LRP1B: variants seen among roughly 807,000 people sequenced by gnomAD.
The protein encoded by LRP1B is LDL receptor related protein 1B.
Under a neutral mutation model 556.6 loss-of-function variants are expected in LRP1B, and 217 were observed. The ratio of observed to expected loss-of-function variants is 0.39; its 90% CI spans 0.35 to 0.44. LRP1B has a LOEUF of 0.44. Among genes scored for constraint, LRP1B ranks in the 20% least tolerant of loss-of-function variants. The probability of loss-of-function intolerance (pLI) is 1.00; values close to 1 mark genes in which losing one functional copy is unlikely to be tolerated. For synonymous variants in LRP1B, 2,047 were observed against 1,865.8 expected, an observed-to-expected ratio of 1.10 and a Z score of -2.50; for missense variants, 5,053 against 5,620.8, an observed-to-expected ratio of 0.90 and a Z score of 3.23.
rs78272229 is a variant in LRP1B at position 140,328,453 on chromosome 2, T to C, written c.12224-2575A>G. ...AGATCTACTAGTTCCCCAATTTCCA[T>C]TGTAGGCTGGAAGAAAATGAAAGAA... On this transcript the variant is annotated intron_variant, in intron 79 of 90. Transcript: ENST00000389484. Among the ~76,000 whole-genome samples, 163 of 149,942 alleles carry C rather than the reference T, an allele frequency of 1.1e-3. 1 individual carries two copies. Among genetic ancestry groups the C allele is most frequent in the East Asian group, 6.2e-3 (32 of 5,128 alleles).
intron 5 of LRP1B, among the ~76,000 whole-genome samples, chr2:141,235,412 G>T (rs375891399): frequency 6.6e-6 from 1 of 152,080 alleles, no homozygotes; most frequent in Non-Finnish European, 1.5e-5. Context: ...TTTCATAAAA[G>T]ACGTATCATC....
At chr2:141,824,956 A>G (rs1696874130) in intron 1 of LRP1B, among the ~76,000 whole-genome samples, 1 of 152,118 alleles carries the variant, frequency 6.6e-6, no homozygotes, top group African/African-American at 2.4e-5. Flanking sequence ...TTCTCACAAG[A>G]TCCGATGGTT....
rs375593161 is a variant in LRP1B at position 141,049,585 on chromosome 2, C to T, written c.1553-363G>A. Among the ~76,000 whole-genome samples, 27 of 151,996 alleles carry T rather than the reference C, an allele frequency of 1.8e-4. No homozygotes were observed. The East Asian group carries it at 1.9e-3, about 11-fold the overall frequency. On this transcript the variant is annotated intron_variant, in intron 10 of 90. Transcript: ENST00000389484. ...TTATAATCTATCTAACATTTTCTGT[C>T]GATACTAACTGTACCATTCATTATA...
At position 141,414,012 on chromosome 2, in the gene LRP1B, C is replaced by T. The variant is rs142540507; in HGVS notation, c.343+66384G>A. On this transcript the variant is annotated intron_variant, in intron 3 of 90. Coordinates refer to ENST00000389484, the MANE Select transcript of LRP1B (RefSeq NM_018557.3). ...TTGGGAGGCTGAGGTGGGCGCATCA[C>T]GAGGTCAGAGGTCAGGAGATGGAGA... 4.0e-3 allele frequency among the ~76,000 whole-genome samples: 615 copies of T among 152,100 alleles called. 7 individuals are homozygous for T. The highest frequency in any genetic ancestry group is 0.012 in the African/African-American group (482 of 41,508).
chr2:142,062,625 A>C (rs150160871), intron 1 of LRP1B, among the ~76,000 whole-genome samples: 1 of 151,954 alleles, frequency 6.6e-6, no homozygotes, highest in Non-Finnish European at 1.5e-5. Flanking sequence ...AACAATTACT[A>C]TAACAAAATT....
chr2:140,898,742 C>A lies in LRP1B; in HGVS notation c.3766+4178G>T, dbSNP rs933597712. On this transcript the variant is annotated intron_variant, in intron 23 of 90. Coordinates refer to ENST00000389484, the MANE Select transcript of LRP1B (RefSeq NM_018557.3). Reference sequence around the variant, plus strand: ...AGCTGCCATCTACCTTTGGGCAACTCTCTACCCTCAAGACCCTGAGCCTCT... The same window carrying A: ...AGCTGCCATCTACCTTTGGGCAACTATCTACCCTCAAGACCCTGAGCCTCT... 25 of 566,396 alleles carry A rather than the reference C, an allele frequency of 4.4e-5. No homozygotes were observed. In the Admixed American group the frequency reaches 4.7e-4, roughly 11 times the overall value. 35.1% of individuals were successfully genotyped at this position (566,396 alleles called of 1,614,324 possible).
chr2:140,722,256 C>T (rs190940063), intron 35 of LRP1B, among the ~76,000 whole-genome samples: 1 of 152,182 alleles, frequency 6.6e-6, no homozygotes, highest in African/African-American at 2.4e-5. Context: ...AGGTTATGTT[C>T]AATTTCTGTC....
chr2:140,599,651 A>G (rs1682577742), intron 42 of LRP1B, among the ~76,000 whole-genome samples: 1 of 152,162 alleles, frequency 6.6e-6, no homozygotes, highest in South Asian at 2.1e-4. Flanking sequence ...AATAAAAAAT[A>G]CTGAATTAAA....
chr2:142,030,414 G>A lies in LRP1B; in HGVS notation c.82+100234C>T, dbSNP rs190502775. 4.6e-3 allele frequency among the ~76,000 whole-genome samples: 703 copies of A among 151,954 alleles called. 3 individuals carry two copies. Among genetic ancestry groups the A allele is most frequent in the Middle Eastern group, 0.017 (5 of 294 alleles). On this transcript the variant is annotated intron_variant, in intron 1 of 90. Coordinates refer to ENST00000389484, the MANE Select transcript of LRP1B (RefSeq NM_018557.3). ...TTGGAGGGCTTATATATTTAGTAAT[G>A]ATTTTCATCCTTGGCTCATTATATA...
At chr2:141,147,894 G>T (rs1040155021) in intron 7 of LRP1B, among the ~76,000 whole-genome samples, 36 of 152,096 alleles carry the variant, frequency 2.4e-4, no homozygotes, top group African/African-American at 8.4e-4. Context: ...ATACACAAAT[G>T]CTTCTCGTTG....
chr2:140,489,455 T>C (rs1688608770), intron 57 of LRP1B, among the ~76,000 whole-genome samples: 1 of 152,070 alleles, frequency 6.6e-6, no homozygotes, highest in Non-Finnish European at 1.5e-5. Context: ...TGATATTCAG[T>C]CACAGATTCA....
At chr2:141,611,020 G>A (rs1688089784) in intron 2 of LRP1B, among the ~76,000 whole-genome samples, 1 of 152,138 alleles carries the variant, frequency 6.6e-6, no homozygotes, top group Admixed American at 6.5e-5. Flanking sequence ...GCAGAAAGTT[G>A]TTTAAAAGCC....
intron 41 of LRP1B, among the ~76,000 whole-genome samples, chr2:140,649,057 C>CTT (rs1044506239): frequency 3.9e-5 from 6 of 152,002 alleles, no homozygotes; most frequent in African/African-American, 1.5e-4. Flanking sequence ...CTCCTCAACC[C>CTT]TTTGTAATTC....
chr2:140,270,114 T>A (rs1012126738), intron 86 of LRP1B, 128 bp downstream of exon 86: 5 of 655,316 alleles, frequency 7.6e-6, no homozygotes, highest in Non-Finnish European at 1.4e-5. Context: ...TGAGGGACAA[T>A]ACTTGATCAG....
At chr2:140,682,688 G>A (rs2105380741) in intron 41 of LRP1B, among the ~76,000 whole-genome samples, 2 of 151,608 alleles carry the variant, frequency 1.3e-5, no homozygotes, top group African/African-American at 4.8e-5. Flanking sequence ...GTGTGTGTGT[G>A]TGTGTGTGTG....
intron 1 of LRP1B, among the ~76,000 whole-genome samples, chr2:141,961,494 C>T (rs867460387): frequency 1.3e-5 from 2 of 151,558 alleles, no homozygotes; most frequent in Non-Finnish European, 3.0e-5. Flanking sequence ...TCTTACACAC[C>T]TTTGACGTAT....
chr2:141,444,131 G>T (rs1422977028), intron 3 of LRP1B, among the ~76,000 whole-genome samples: 1 of 151,996 alleles, frequency 6.6e-6, no homozygotes, highest in Non-Finnish European at 1.5e-5. Flanking sequence ...TTTTTTCCTT[G>T]AAGAAGTCCT....
intron 2 of LRP1B, among the ~76,000 whole-genome samples, chr2:141,691,465 A>ACACAC (rs1691526800): frequency 7.5e-6 from 1 of 133,180 alleles, no homozygotes; most frequent in African/African-American, 2.9e-5. Flanking sequence ...GTAATCAGCC[A>ACACAC]ACACACACAC....
intron 7 of LRP1B, among the ~76,000 whole-genome samples, chr2:141,155,689 A>G (rs1702049493): frequency 6.6e-6 from 1 of 152,080 alleles, no homozygotes; most frequent in South Asian, 2.1e-4. Flanking sequence ...CAAATTTATT[A>G]CTGAGTTACC....
Sources: gnomAD v4.1 joint callset for allele counts (sites outside exome capture counted in the v4.1 genomes callset) on GRCh38, gnomAD v4.1.1 for gene constraint, MANE v1.5 for transcripts, NCBI Gene and HGNC (gene_info 2026-07-23, HGNC 2026-07-21) for gene names.